The following CSMD1 variants were observed in gnomAD, a reference collection of about 807,000 sequenced individuals.
CSMD1 encodes the protein CUB and Sushi multiple domains 1, also known as CUB and sushi domain-containing protein 1.
CSMD1 carries 213 observed loss-of-function variants against 417.5 expected under a neutral mutation model. The observed-to-expected ratio is 0.51, with a 90% CI of 0.46 to 0.57. The LOEUF (loss-of-function observed/expected upper bound fraction) is 0.57, where lower values mean the gene tolerates loss of function less well. Ranked by LOEUF, CSMD1 falls within the 20% of genes least tolerant of loss-of-function variation. The pLI is 0.00. For synonymous variants in CSMD1, 2,862 were observed against 1,736.8 expected (o/e 1.65, Z -16.11); for missense variants, 6,923 against 4,529.7 (o/e 1.53, Z -15.17).
intron 5 of CSMD1, among the ~76,000 whole-genome samples, chr8:3,925,486 G>C (rs1214756263): frequency 1.3e-5 from 2 of 152,152 alleles, no homozygotes; most frequent in Non-Finnish European, 2.9e-5. Context: ...ATGCTGGGTG[G>C]TAAGACACTG....
chr8:4,583,586 G>C (rs568634984), intron 2 of CSMD1, among the ~76,000 whole-genome samples: 1 of 152,128 alleles, frequency 6.6e-6, no homozygotes, highest in Non-Finnish European at 1.5e-5. Context: ...CAAGGTTTGT[G>C]AGTGCACCAA....
chr8:4,991,164 G>T (rs1298269097), intron 1 of CSMD1, among the ~76,000 whole-genome samples: 1 of 152,134 alleles, frequency 6.6e-6, no homozygotes, highest in Admixed American at 6.5e-5. Context: ...TCAGCCCCGG[G>T]TAAAGGGGCA....
At chr8:4,469,340 T>C (rs528499712) in intron 2 of CSMD1, among the ~76,000 whole-genome samples, 1 of 152,226 alleles carries the variant, frequency 6.6e-6, no homozygotes, top group African/African-American at 2.4e-5. Flanking sequence ...TGAAAAGTCT[T>C]GTTATTTTAC....
intron 3 of CSMD1, among the ~76,000 whole-genome samples, chr8:4,100,629 GA>G (rs758440369): frequency 2.0e-5 from 3 of 152,106 alleles, no homozygotes; most frequent in Non-Finnish European, 2.9e-5. Flanking sequence ...TGATAATGGG[GA>G]TAAGTATGTC....
At chr8:3,572,803 T>C (rs1402879560) in intron 10 of CSMD1, among the ~76,000 whole-genome samples, 3 of 152,170 alleles carry the variant, frequency 2.0e-5, no homozygotes, top group African/African-American at 7.2e-5. Flanking sequence ...TTAACTCAAG[T>C]CAACACCTAA....
chr8:4,916,926 C>G (rs1344600144), intron 1 of CSMD1, among the ~76,000 whole-genome samples: 1 of 152,200 alleles, frequency 6.6e-6, no homozygotes, highest in Non-Finnish European at 1.5e-5. Flanking sequence ...ACATTCATGT[C>G]AACAGGGTGT....
chr8:4,735,288 G>C (rs905292883), intron 1 of CSMD1, among the ~76,000 whole-genome samples: 8 of 152,112 alleles, frequency 5.3e-5, no homozygotes, highest in African/African-American at 1.9e-4. Context: ...GATTTCACTA[G>C]CTTTTTAAAC....
chr8:4,596,851 A>G (rs1800306778), intron 2 of CSMD1, among the ~76,000 whole-genome samples: 1 of 152,168 alleles, frequency 6.6e-6, no homozygotes, highest in Non-Finnish European at 1.5e-5. Flanking sequence ...TAATTGAATC[A>G]TGGGGGCTGA....
rs142905836 is a variant in CSMD1, at chr8:3,832,609, G to T, written c.819-78567C>A. Among the ~76,000 whole-genome samples the T allele has an allele frequency of 3.5e-3, 536 of 152,166 alleles. 6 individuals carry two copies. The highest frequency in any genetic ancestry group is 0.012 in the African/African-American group (518 of 41,524). ...AAACAGAAATAACACAGCAATGATGGCATGGGTTCTTGAAGGAGTCGAAGA... is the reference window on the plus strand; with the variant it reads ...AAACAGAAATAACACAGCAATGATGTCATGGGTTCTTGAAGGAGTCGAAGA... On this transcript the variant is annotated intron_variant, in intron 5 of 69. Transcript: ENST00000635120.
intron 9 of CSMD1, among the ~76,000 whole-genome samples, chr8:3,584,761 G>C (rs1275737657): frequency 1.3e-5 from 2 of 152,074 alleles, no homozygotes; most frequent in East Asian, 1.9e-4. Flanking sequence ...CTATTTCCCG[G>C]ATATAAGAGC....
intron 3 of CSMD1, among the ~76,000 whole-genome samples, chr8:4,082,030 G>C (rs889366880): frequency 6.6e-6 from 1 of 152,008 alleles, no homozygotes; most frequent in African/African-American, 2.4e-5. Context: ...GGCAAATAGA[G>C]AAATTAGGAA....
intron 3 of CSMD1, among the ~76,000 whole-genome samples, chr8:4,164,989 G>A (rs1180489436): frequency 6.6e-6 from 1 of 152,046 alleles, no homozygotes; most frequent in Non-Finnish European, 1.5e-5. Context: ...AATTATTGTA[G>A]AGTTTCCTAT....
At chr8:3,497,670 G>C (rs1412145065) in intron 10 of CSMD1, among the ~76,000 whole-genome samples, 1 of 152,190 alleles carries the variant, frequency 6.6e-6, no homozygotes. Context: ...AATGTCTTCA[G>C]TTTAGTCTAT....
chr8:3,373,046 A>T (rs1194451154), intron 18 of CSMD1, among the ~76,000 whole-genome samples: 1 of 152,228 alleles, frequency 6.6e-6, no homozygotes, highest in Non-Finnish European at 1.5e-5. Context: ...TAATGAATGT[A>T]AAACATTTTA....
At chr8:4,133,419 A>C (rs1463564969) in intron 3 of CSMD1, among the ~76,000 whole-genome samples, 1 of 152,180 alleles carries the variant, frequency 6.6e-6, no homozygotes, top group Non-Finnish European at 1.5e-5. Context: ...ACGTGTTCCT[A>C]ACATAAATTT....
At chr8:3,574,337 T>A (rs1250379114) in intron 10 of CSMD1, among the ~76,000 whole-genome samples, 1 of 152,120 alleles carries the variant, frequency 6.6e-6, no homozygotes, top group East Asian at 1.9e-4. Flanking sequence ...GCCTCCTGGG[T>A]TCAAGCGATT....
intron 3 of CSMD1, among the ~76,000 whole-genome samples, chr8:4,077,515 T>C (rs1192345517): frequency 6.6e-6 from 1 of 151,984 alleles, no homozygotes; most frequent in Non-Finnish European, 1.5e-5. Flanking sequence ...TTTAACTTTT[T>C]TACCATCACA....
chr8:4,951,154 C>G (rs185531920), intron 1 of CSMD1, among the ~76,000 whole-genome samples: 18 of 152,250 alleles, frequency 1.2e-4, no homozygotes, highest in South Asian at 8.3e-4. Flanking sequence ...CCCCTTGTTT[C>G]TGCATCACTC....
At chr8:4,131,614 G>C (rs528837294) in intron 3 of CSMD1, among the ~76,000 whole-genome samples, 7 of 152,022 alleles carry the variant, frequency 4.6e-5, no homozygotes, top group African/African-American at 1.4e-4. Context: ...TTACACTTGA[G>C]AATAGGTACA....
Sources: allele counts gnomAD v4.1 joint callset (sites outside exome capture counted in the v4.1 genomes callset), GRCh38; gene constraint gnomAD v4.1.1; transcripts MANE v1.5; gene names NCBI Gene and HGNC (gene_info 2026-07-23, HGNC 2026-07-21).